The following WDR1 variants were observed in gnomAD, a reference collection of about 807,000 sequenced individuals.
WDR1 encodes the protein WD repeat-containing protein 1.
A neutral mutation model predicts 71.9 loss-of-function variants in WDR1; 21 were observed. That is an observed-to-expected ratio of 0.29 (90% CI 0.21 to 0.42). The LOEUF (loss-of-function observed/expected upper bound fraction) is 0.42. Among genes scored for constraint, WDR1 ranks in the 10% least tolerant of loss-of-function variants. WDR1 has a pLI of 1.00. For synonymous variants in WDR1, 424 were observed against 347.4 expected, an observed-to-expected ratio of 1.22 and a Z score of -2.45; for missense variants, 696 against 824.5, an observed-to-expected ratio of 0.84 and a Z score of 1.91.
intron 8 of WDR1, among the ~76,000 whole-genome samples, chr4:10,086,367 C>G (rs551629924): frequency 6.6e-6 from 1 of 152,332 alleles, no homozygotes; most frequent in African/African-American, 2.4e-5. Context: ...GTTCAGCCTT[C>G]CCCCTCTCAG....
intron 9 of WDR1, 137 bp from the exon 10 acceptor site, chr4:10,083,315 G>T: frequency 8.8e-7 from 1 of 1,138,676 alleles, no homozygotes; most frequent in Non-Finnish European, 1.2e-6. Context: ...CCCCTGGGAA[G>T]CCTGCAGTGT....
intron 2 of WDR1, 89 bp from the exon 3 acceptor site, chr4:10,104,075 G>T: frequency 2.2e-6 from 3 of 1,341,014 alleles, no homozygotes; most frequent in Non-Finnish European, 3.1e-6. Flanking sequence ...GGGTGAAAGG[G>T]GTGTACAAAG....
rs748708224 is a variant in WDR1, at chr4:10,088,697, C to T, written c.603G>A (p.Gly201=). 17 of 1,607,766 alleles carry T rather than the reference C, an allele frequency of 1.1e-5. No individual in the cohort carries two copies. The highest frequency in any genetic ancestry group is 1.6e-4 in the Middle Eastern group (1 of 6,082). Residue 201 remains glycine (G), a synonymous_variant, in exon 6 of 15, where the codon GGG becomes GGA. Transcript: ENST00000499869. ...CAGCACTGGCTGTGGCAAATCTGTT[C>T]CCATCAGGAGAGAATCGCACACAGT... ...FVNCVRFSPD[G]NRFATASADG... is the part of the protein sequence containing the mutation.
At chr4:10,112,716 C>G (rs987003836) in intron 2 of WDR1, among the ~76,000 whole-genome samples, 1 of 152,266 alleles carries the variant, frequency 6.6e-6, no homozygotes, top group African/African-American at 2.4e-5. Context: ...TTTCCTTGTT[C>G]TCATGCAGTA....
intron 8 of WDR1, among the ~76,000 whole-genome samples, chr4:10,085,974 G>A (rs779591045): frequency 6.6e-6 from 1 of 152,208 alleles, no homozygotes; most frequent in Non-Finnish European, 1.5e-5. Context: ...AGCCACGGTG[G>A]CAGGCCGGGT....
Position 10,081,501 on chromosome 4 carries a change from T to G in WDR1, c.1197-57A>C, listed in dbSNP as rs896989821. 6 of 1,526,796 alleles carry G rather than the reference T, an allele frequency of 3.9e-6. No individual in the cohort carries two copies. In the Admixed American group the frequency reaches 1.0e-4, roughly 26 times the overall value. The allele number at this position is 1,526,796 out of a possible 1,614,324, so 94.6% of individuals were successfully genotyped here. ...ACAATGCAGCAGCTCAGGGTAGGTA[T>G]GCATACATATTTACTGTTAAACCAC... On this transcript the variant is annotated intron_variant, in intron 10 of 14. Transcript: ENST00000499869.
intron 5 of WDR1, among the ~76,000 whole-genome samples, chr4:10,095,469 G>A (rs909612085): frequency 4.6e-5 from 7 of 152,156 alleles, no homozygotes; most frequent in African/African-American, 1.7e-4. Flanking sequence ...GACTGTGGCT[G>A]GGCCTCATGT....
Position 10,097,761 on chromosome 4 carries a change from A to G in WDR1, c.508T>C (p.Cys170Arg). The change falls in exon 5 of 15, where the codon TGC becomes CGC. Residue 170 changes from cysteine (C) to arginine (R), a missense_variant. Coordinates refer to ENST00000499869, the MANE Select transcript of WDR1 (RefSeq NM_017491.5). ...GGGGGTCCCTCAAAGAATGCCGCGC[A>G]GTTATCATCGCTTCCCGTGGCCAGC... Reference protein sequence around the residue: ...YRLATGSDDNCAAFFEGPPFK... With the variant: ...YRLATGSDDNRAAFFEGPPFK... 1 of 1,613,670 alleles carries G rather than the reference A, an allele frequency of 6.2e-7. No homozygotes were observed. The highest frequency in any genetic ancestry group is 8.5e-7 in the Non-Finnish European group (1 of 1,179,722).
intron 5 of WDR1, 143 bp from the exon 6 acceptor site, chr4:10,088,884 A>G (rs1324688100): frequency 2.8e-6 from 2 of 705,922 alleles, no homozygotes; most frequent in Admixed American, 4.3e-5. Flanking sequence ...AGAGCTTAAA[A>G]AAACATCCTG....
intron 5 of WDR1, among the ~76,000 whole-genome samples, chr4:10,090,304 C>T (rs969576450): frequency 6.6e-6 from 1 of 152,192 alleles, no homozygotes; most frequent in African/African-American, 2.4e-5. Flanking sequence ...GAGCTGTGCC[C>T]ATTTCACCAA....
chr4:10,077,213 T>C (rs1560525981), intron 14 of WDR1, 91 bp downstream of exon 14: 3 of 1,534,934 alleles, frequency 2.0e-6, no homozygotes, highest in South Asian at 2.4e-5. Context: ...TACTTAGCCC[T>C]GGGGACTGAA....
chr4:10,116,290 C>G (rs1577085061), intron 1 of WDR1, 56 bp from the exon 2 acceptor site: 7 of 1,609,242 alleles, frequency 4.3e-6, no homozygotes, highest in Non-Finnish European at 5.9e-6. Flanking sequence ...ACGGCGGGGA[C>G]AGAAGGGAGA....
rs4290889 is a variant in WDR1, at chr4:10,115,945, C to G, written c.138+168G>C. 8.0e-6 allele frequency: 7 copies of G among 870,594 alleles called. No individual in the cohort carries two copies. In the African/African-American group the frequency reaches 8.6e-5, roughly 11 times the overall value. 53.9% of individuals were successfully genotyped at this position (870,594 alleles called of 1,614,324 possible). A position where few individuals can be genotyped will look rare whatever the true frequency, so the allele number is the denominator to read the frequency against. The stretch of plus-strand genomic sequence containing the variant: ...GGAGCAGACAAGGACCTGGGTGAAT[C>G]TGAGGCCGGCTTCCGGGGCTCCGAG... On this transcript the variant is annotated intron_variant, in intron 2 of 14. Coordinates refer to ENST00000499869, the MANE Select transcript of WDR1 (RefSeq NM_017491.5).
chr4:10,075,432 C>T lies in WDR1; in HGVS notation c.1767G>A (p.Thr589=), dbSNP rs377107801. 9.9e-6 allele frequency: 16 copies of T among 1,613,858 alleles called. No individual in the cohort carries two copies. Among genetic ancestry groups the T allele is most frequent in the South Asian group, 4.4e-5 (4 of 91,084 alleles). The stretch of plus-strand genomic sequence containing the variant: ...AGGCATCATGGGAGGTCGTGACCAG[C>T]GTGTGCTCGTCCAGCCAGGCCAGGC... ...VSSLAWLDEH[T]LVTTSHDASV... The change falls in exon 15 of 15, where the codon ACG becomes ACA. Residue 589 remains threonine (T), a synonymous_variant. Transcript: ENST00000499869.
chr4:10,087,664 C>T (rs904116376), intron 8 of WDR1, 43 bp downstream of exon 8: 16 of 1,522,532 alleles, frequency 1.1e-5, no homozygotes, highest in Non-Finnish European at 1.4e-5. Flanking sequence ...GGTCTCTTCC[C>T]TGTCCACCCA....
At position 10,087,948 on chromosome 4, in the gene WDR1, G is replaced by T; in HGVS notation, c.718-8C>A. On this transcript the variant is annotated splice_region_variant and splice_polypyrimidine_tract_variant and intron_variant, in intron 7 of 14. Coordinates refer to ENST00000499869, the MANE Select transcript of WDR1 (RefSeq NM_017491.5). ...GTCGGGACTCCAACTAATCTATTCAGAAAAAAGCAGTGTGTCATGTGCCAG... is the reference window on the plus strand; with the variant it reads ...GTCGGGACTCCAACTAATCTATTCATAAAAAAGCAGTGTGTCATGTGCCAG... 1 of 1,545,888 alleles carries T rather than the reference G, an allele frequency of 6.5e-7. No homozygotes were observed. The highest frequency in any genetic ancestry group is 8.7e-7 in the Non-Finnish European group (1 of 1,144,512).
chr4:10,103,272 A>T lies in WDR1; in HGVS notation c.229+624T>A, dbSNP rs537721763. Among the ~76,000 whole-genome samples the T allele has an allele frequency of 5.3e-5, 5 of 94,410 alleles. No individual in the cohort carries two copies. In the South Asian group the frequency reaches 1.6e-3, roughly 31 times the overall value. The allele number at this position is 94,410 out of a possible 152,430, so 61.9% of individuals were successfully genotyped here. A position where few individuals can be genotyped will look rare whatever the true frequency, so the allele number is the denominator to read the frequency against. On this transcript the variant is annotated intron_variant, in intron 3 of 14. Coordinates refer to ENST00000499869, the MANE Select transcript of WDR1 (RefSeq NM_017491.5). ...ACAAAACATCCATTCACACATACAC[A>T]CACACACACACACACAGACACACAC...
chr4:10,083,246 C>G, intron 9 of WDR1, 68 bp from the exon 10 acceptor site: 2 of 1,521,086 alleles, frequency 1.3e-6, no homozygotes, highest in Non-Finnish European at 1.8e-6. Flanking sequence ...GGCTTCAGTC[C>G]TAAGATTCTC....
chr4:10,105,098 G>A lies in WDR1; in HGVS notation c.139-1112C>T, dbSNP rs547227545. Among the ~76,000 whole-genome samples the A allele has an allele frequency of 2.0e-4, 31 of 152,262 alleles. No individual in the cohort carries two copies. In the South Asian group the frequency reaches 2.1e-3, roughly 10 times the overall value. ...TTGGCCAGCACCTCTCCCTGCCTAC[G>A]GACACCCACTCACCCATCAGGCCTA... On this transcript the variant is annotated intron_variant, in intron 2 of 14. Coordinates refer to ENST00000499869, the MANE Select transcript of WDR1 (RefSeq NM_017491.5).
Sources: gnomAD v4.1 joint callset for allele counts (sites outside exome capture counted in the v4.1 genomes callset) on GRCh38, gnomAD v4.1.1 for gene constraint, MANE v1.5 for transcripts, NCBI Gene and HGNC (gene_info 2026-07-23, HGNC 2026-07-21) for gene names.